Variants in CARF observed in about 807,000 individuals in gnomAD.
CARF encodes the protein calcium responsive transcription factor, also known as calcium-responsive transcription factor.
CARF carries 57 observed loss-of-function variants against 82.0 expected under a neutral mutation model. That is an observed-to-expected ratio of 0.70 (90% CI 0.56 to 0.87). The LOEUF is 0.87. Ranked by LOEUF, CARF falls within the 40% of genes least tolerant of loss-of-function variation. CARF has a pLI of 0.00. For synonymous variants in CARF, 268 were observed against 290.1 expected (o/e 0.92, Z 0.77); for missense variants, 771 against 855.8 (o/e 0.90, Z 1.24).
Position 202,961,433 on chromosome 2 carries a change from T to C in CARF, c.832+7T>C. On this transcript the variant is annotated splice_region_variant and intron_variant, in intron 9 of 16. Transcript: ENST00000438828. ...ATCCCATTTGTTAATGCAGGTACTTTTTTAAAGAATTATTTTAAAAGGTTC... is the reference window on the plus strand; with the variant it reads ...ATCCCATTTGTTAATGCAGGTACTTCTTTAAAGAATTATTTTAAAAGGTTC... 7.4e-6 allele frequency: 12 copies of C among 1,611,824 alleles called. No individual in the cohort carries two copies. The highest frequency in any genetic ancestry group is 2.2e-5 in the East Asian group (1 of 44,862).
At position 202,970,117 on chromosome 2, in the gene CARF, G is replaced by T. The variant is rs937809332; in HGVS notation, c.1097+55G>T. 4.2e-6 allele frequency: 6 copies of T among 1,419,372 alleles called. No individual in the cohort carries two copies. The African/African-American group carries it at 6.0e-5, about 14-fold the overall frequency. 87.9% of individuals were successfully genotyped at this position (1,419,372 alleles called of 1,614,324 possible). ...ACAAATTAATTAGCTCAATTTGCAA[G>T]AATTATTTTGTAAGGGAAATTATAG... On this transcript the variant is annotated intron_variant, in intron 11 of 16. Transcript: ENST00000438828.
chr2:202,954,111 A>G lies in CARF; in HGVS notation c.534A>G (p.Pro178=), dbSNP rs757757668. 30 of 1,612,986 alleles carry G rather than the reference A, an allele frequency of 1.9e-5. No homozygotes were observed. Among genetic ancestry groups the G allele is most frequent in the Non-Finnish European group, 2.4e-5 (28 of 1,179,590 alleles). The stretch of plus-strand genomic sequence containing the variant: ...TTCTTCATCCTCAAACATCCTTCCC[A>G]TTGCCCAAAAAGTCAGTGACCGGGT... The part of the protein sequence containing the change: ...NYILHPQTSF[P]LPKKSVTGML... Residue 178 remains proline, a synonymous_variant, in exon 7 of 17, where the codon CCA becomes CCG. Transcript: ENST00000438828.
chr2:202,928,869 A>G (rs1461879612), intron 3 of CARF, among the ~76,000 whole-genome samples: 1 of 152,048 alleles, frequency 6.6e-6, no homozygotes, highest in Non-Finnish European at 1.5e-5. Context: ...AGCTAGGACC[A>G]CAGGTCCGTG....
rs1051901482 is a variant in CARF at position 202,974,237 on chromosome 2, A to C, written c.1332-97A>C. The C allele has an allele frequency of 3.6e-6, 3 of 838,310 alleles. No homozygotes were observed. In the African/African-American group the frequency reaches 5.3e-5, roughly 15 times the overall value. 51.9% of individuals were successfully genotyped at this position (838,310 alleles called of 1,614,324 possible). A position where few individuals can be genotyped will look rare whatever the true frequency, so the allele number is the denominator to read the frequency against. On this transcript the variant is annotated intron_variant, in intron 12 of 16. Coordinates refer to ENST00000438828, the MANE Select transcript of CARF (RefSeq NM_024744.17). Reference sequence around the variant, plus strand: ...CTTACAGAGCTATAAACCATACTTTATAGAAGTTTATACTGAAAGAGAACC... The same window carrying C: ...CTTACAGAGCTATAAACCATACTTTCTAGAAGTTTATACTGAAAGAGAACC...
At chr2:202,953,606 G>C (rs924146757) in intron 6 of CARF, among the ~76,000 whole-genome samples, 6 of 145,930 alleles carry the variant, frequency 4.1e-5, no homozygotes, top group African/African-American at 1.5e-4. Flanking sequence ...ATGGTTTAGG[G>C]CAGATATTTT....
chr2:202,964,270 C>CTTTGTTTG (rs150872062), intron 9 of CARF, among the ~76,000 whole-genome samples: 8 of 151,662 alleles, frequency 5.3e-5, no homozygotes, highest in African/African-American at 1.7e-4. Flanking sequence ...GTTTAAAAAT[C>CTTTGTTTG]TTTGTTTGTT....
At chr2:202,970,115 A>G (rs2059725658) in intron 11 of CARF, 53 bp downstream of exon 11, 1 of 1,440,294 alleles carries the variant, frequency 6.9e-7, no homozygotes, top group Non-Finnish European at 9.3e-7. Context: ...CTCAATTTGC[A>G]AGAATTATTT....
chr2:202,967,790 A>G (rs751672439), intron 10 of CARF, among the ~76,000 whole-genome samples: 3 of 152,190 alleles, frequency 2.0e-5, no homozygotes, highest in Non-Finnish European at 2.9e-5. Context: ...ATGTTGACAA[A>G]TATTGCAAAG....
chr2:202,935,773 C>A (rs1464962089), intron 3 of CARF, among the ~76,000 whole-genome samples: 1 of 152,050 alleles, frequency 6.6e-6, no homozygotes, highest in Non-Finnish European at 1.5e-5. Flanking sequence ...ATAATTTTAT[C>A]TATAAGTATT....
chr2:202,914,804 C>T (rs1438790809), intron 1 of CARF, among the ~76,000 whole-genome samples: 2 of 137,882 alleles, frequency 1.5e-5, no homozygotes, highest in Admixed American at 7.2e-5. Context: ...AACAAAAAAT[C>T]AGAGCAAAAA....
Position 202,942,752 on chromosome 2 carries a change from A to G in CARF, c.91A>G (p.Met31Val), listed in dbSNP as rs888924529. The change falls in exon 5 of 17, where the codon ATG (methionine) becomes GTG (valine). Residue 31 changes from methionine (M) to valine (V), a missense_variant. Coordinates refer to ENST00000438828, the MANE Select transcript of CARF (RefSeq NM_024744.17). ...SAQVFEHLIC[M>V]DSRDSSFGQN... ...TTCCTTACAAAAGCATCTAATCTGT[A>G]TGGACTCCAGGGATTCTTCCTTTGG... The G allele has an allele frequency of 6.8e-6, 11 of 1,613,014 alleles. No homozygotes were observed. Among genetic ancestry groups the G allele is most frequent in the East Asian group, 2.2e-5 (1 of 44,852 alleles).
chr2:202,982,736 G>C (rs944119700), intron 16 of CARF, among the ~76,000 whole-genome samples: 3 of 151,962 alleles, frequency 2.0e-5, no homozygotes, highest in Non-Finnish European at 2.9e-5. Flanking sequence ...GGTCATTTTA[G>C]AGTACATGAA....
At chr2:202,960,545 C>T (rs1449130915) in intron 8 of CARF, among the ~76,000 whole-genome samples, 4 of 151,816 alleles carry the variant, frequency 2.6e-5, no homozygotes, top group African/African-American at 4.8e-5. Context: ...CCACTGTGCC[C>T]GGCCTCAGAG....
At chr2:202,936,018 C>T (rs1331834100) in intron 3 of CARF, among the ~76,000 whole-genome samples, 1 of 151,904 alleles carries the variant, frequency 6.6e-6, no homozygotes, top group African/African-American at 2.4e-5. Flanking sequence ...GAAATGGGAT[C>T]TCAGGCTGGT....
chr2:202,929,511 T>A (rs1692485014), intron 3 of CARF, among the ~76,000 whole-genome samples: 1 of 152,150 alleles, frequency 6.6e-6, no homozygotes, highest in African/African-American at 2.4e-5. Flanking sequence ...TAGATTTTGT[T>A]TGTTTGTTTG....
chr2:202,966,071 AG>A (rs773842020), intron 9 of CARF, among the ~76,000 whole-genome samples: 9 of 152,314 alleles, frequency 5.9e-5, no homozygotes, highest in Non-Finnish European at 1.2e-4. Flanking sequence ...ACCACTTGGC[AG>A]ATGATTACCT....
chr2:202,953,879 T>C, intron 6 of CARF, 126 bp from the exon 7 acceptor site: 3 of 663,020 alleles, frequency 4.5e-6, no homozygotes, highest in Non-Finnish European at 6.7e-6. Context: ...TAAAGCATTA[T>C]TCCTTTACTC....
At chr2:202,914,031 A>G (rs1024191961) in intron 1 of CARF, among the ~76,000 whole-genome samples, 271 of 152,282 alleles carry the variant, frequency 1.8e-3, no homozygotes, top group African/African-American at 6.4e-3. Flanking sequence ...ACCCAGCATT[A>G]TGTTTTACGG....
At position 202,974,368 on chromosome 2, in the gene CARF, G is replaced by A. The variant is rs893268724; in HGVS notation, c.1366G>A (p.Glu456Lys). 6.2e-7 allele frequency: 1 copy of A among 1,607,112 alleles called. No homozygotes were observed. Among genetic ancestry groups the A allele is most frequent in the Non-Finnish European group, 8.5e-7 (1 of 1,178,410 alleles). Residue 456 changes from glutamate (E) to lysine (K), a missense_variant, in exon 13 of 17, where the codon GAG becomes AAG. By Grantham distance (56) the Glu-to-Lys change is moderately conservative. Coordinates refer to ENST00000438828, the MANE Select transcript of CARF (RefSeq NM_024744.17). ...GGAAAGGGAACTGTTCAAACCCGAT[G>A]AGGTACCTGAAAGACATAATTTATC... ...FVERELFKPDEVPERHNLSFF... is the reference protein window; with the variant it reads ...FVERELFKPDKVPERHNLSFF...
Sources: allele counts gnomAD v4.1 joint callset (sites outside exome capture counted in the v4.1 genomes callset), GRCh38; gene constraint gnomAD v4.1.1; transcripts MANE v1.5; gene names NCBI Gene and HGNC (gene_info 2026-07-23, HGNC 2026-07-21).